The following IFT80 variants were observed in gnomAD, a reference collection of about 807,000 sequenced individuals.
IFT80 encodes the protein intraflagellar transport protein 80 homolog.
In IFT80, 79 loss-of-function variants were observed where a neutral mutation model predicts 107.9. The observed-to-expected ratio is 0.73, with a 90% confidence interval of 0.61 to 0.88. The LOEUF (loss-of-function observed/expected upper bound fraction) is 0.88. Among genes scored for constraint, IFT80 ranks in the 40% least tolerant of loss-of-function variants. IFT80 has a pLI of 0.00. For missense variants in IFT80, 797 were observed against 914.2 expected (o/e 0.87, Z 1.65); for synonymous variants, 299 against 300.9 (o/e 0.99, Z 0.07).
chr3:160,375,771 G>A, intron 5 of IFT80, 41 bp downstream of exon 5: 1 of 1,362,230 alleles, frequency 7.3e-7, no homozygotes, highest in South Asian at 1.2e-5. Context: ...TTTTTGTATT[G>A]TATAATTTGC....
chr3:160,290,416 A>C (rs1192387218), intron 12 of IFT80, among the ~76,000 whole-genome samples: 2 of 150,602 alleles, frequency 1.3e-5, no homozygotes, highest in Non-Finnish European at 2.9e-5. Flanking sequence ...AAAAACAGAA[A>C]AAAAAAAAGA....
intron 8 of IFT80, among the ~76,000 whole-genome samples, chr3:160,329,296 GCCATGAGATA>G (rs1229473271): frequency 1.3e-5 from 2 of 151,988 alleles, no homozygotes; most frequent in Non-Finnish European, 2.9e-5. Context: ...CCCCAAATAT[GCCATGAGATA>G]CTTGGTTCAC....
intron 8 of IFT80, among the ~76,000 whole-genome samples, chr3:160,340,421 A>G (rs1042782508): frequency 6.6e-6 from 1 of 152,238 alleles, no homozygotes; most frequent in Non-Finnish European, 1.5e-5. Context: ...CATAAACACA[A>G]TATGAGTTTC....
intron 18 of IFT80, 56 bp from the exon 19 acceptor site, chr3:160,268,592 A>T: frequency 6.5e-7 from 1 of 1,549,242 alleles, no homozygotes; most frequent in Non-Finnish European, 8.9e-7. Flanking sequence ...CTCCATGAGT[A>T]GTAGAGTTCT....
At chr3:160,261,801 CAAAAAA>C (rs557472950) in intron 19 of IFT80, among the ~76,000 whole-genome samples, 1 of 66,750 alleles carries the variant, frequency 1.5e-5, no homozygotes, top group African/African-American at 4.5e-5. Flanking sequence ...GACCCTGTCT[CAAAAAA>C]AAAAAAAAAA....
chr3:160,342,900 A>G (rs1338404251), intron 8 of IFT80: 1 of 152,638 alleles, frequency 6.6e-6, no homozygotes, highest in Non-Finnish European at 1.5e-5. Flanking sequence ...ATCCATGGAA[A>G]GATAATTTGG....
intron 11 of IFT80, among the ~76,000 whole-genome samples, chr3:160,303,187 G>GT (rs952782455): frequency 6.6e-6 from 1 of 152,136 alleles, no homozygotes; most frequent in Non-Finnish European, 1.5e-5. Flanking sequence ...GATATTTTAG[G>GT]TAACTGTCAA....
rs767138347 is a variant in IFT80, at chr3:160,375,807, C to T, written c.439+5G>A. On this transcript the variant is annotated splice_donor_5th_base_variant and intron_variant, in intron 5 of 19. Transcript: ENST00000326448. Reference sequence around the variant, plus strand: ...AAAAATGAAATTGTCAATTGTAAAACATACCTTGCTGAGCTAAAGTTGATC... The same window carrying T: ...AAAAATGAAATTGTCAATTGTAAAATATACCTTGCTGAGCTAAAGTTGATC... The T allele has an allele frequency of 1.2e-5, 20 of 1,605,788 alleles. No individual in the cohort carries two copies. The East Asian group carries it at 4.5e-4, about 36-fold the overall frequency.
At chr3:160,303,348 T>C (rs1440947196) in intron 11 of IFT80, among the ~76,000 whole-genome samples, 1 of 152,226 alleles carries the variant, frequency 6.6e-6, no homozygotes, top group Non-Finnish European at 1.5e-5. Flanking sequence ...CCTAATTTAC[T>C]CCAGTTAATT....
intron 19 of IFT80, among the ~76,000 whole-genome samples, chr3:160,261,358 T>G (rs1712810677): frequency 6.6e-6 from 1 of 151,630 alleles, no homozygotes; most frequent in Non-Finnish European, 1.5e-5. Context: ...GTACAAGGAT[T>G]CACCAGTGAA....
intron 18 of IFT80, among the ~76,000 whole-genome samples, chr3:160,273,575 G>A (rs1713994500): frequency 6.6e-6 from 1 of 152,152 alleles, no homozygotes; most frequent in Non-Finnish European, 1.5e-5. Context: ...TTGTACAGCT[G>A]AAAGAATGAT....
intron 12 of IFT80, among the ~76,000 whole-genome samples, chr3:160,290,044 CTG>C (rs1715421526): frequency 6.6e-6 from 1 of 152,106 alleles, no homozygotes; most frequent in East Asian, 1.9e-4. Flanking sequence ...TGTGAACAGG[CTG>C]TGTCTCCTTT....
rs752150146 is a variant in IFT80 at position 160,280,758 on chromosome 3, G to A, written c.1573C>T (p.Gln525Ter). 6.2e-7 allele frequency: 1 copy of A among 1,612,982 alleles called. No homozygotes were observed. The highest frequency in any genetic ancestry group is 1.1e-5 in the South Asian group (1 of 91,052). Residue 525 changes from glutamine (Q) to a stop codon, truncating the protein, a stop_gained, in exon 15 of 20, where the codon CAA (glutamine) becomes TAA (stop). Coordinates refer to ENST00000326448, the MANE Select transcript of IFT80 (RefSeq NM_020800.3). LOFTEE classifies it high-confidence loss of function. ...TACCACACTATAAATCGAGTATCTT[G>A]AAGTCCACAAAGGATATTGCATGTA... ...NDTCNILCGL[Q>*]DTRFIVWYYP...
At chr3:160,296,978 C>A (rs1716030075) in intron 12 of IFT80, among the ~76,000 whole-genome samples, 1 of 152,110 alleles carries the variant, frequency 6.6e-6, no homozygotes, top group Non-Finnish European at 1.5e-5. Context: ...TTCTTTGCTG[C>A]CTTTTTACTA....
At chr3:160,324,950 A>T (rs1233761676) in intron 8 of IFT80, among the ~76,000 whole-genome samples, 1 of 150,490 alleles carries the variant, frequency 6.6e-6, no homozygotes. Context: ...TACAAAATCA[A>T]TGTACAAAAA....
chr3:160,389,190 G>A (rs905809403), intron 1 of IFT80, among the ~76,000 whole-genome samples: 1 of 152,094 alleles, frequency 6.6e-6, no homozygotes, highest in Non-Finnish European at 1.5e-5. Context: ...CTTAAGAACA[G>A]GCCAAATTGA....
intron 12 of IFT80, among the ~76,000 whole-genome samples, chr3:160,298,393 G>A (rs976927232): frequency 3.3e-5 from 5 of 151,920 alleles, no homozygotes; most frequent in Non-Finnish European, 7.4e-5. Context: ...AGTCTTTTAA[G>A]TTTATATTTA....
intron 8 of IFT80, among the ~76,000 whole-genome samples, chr3:160,322,217 G>T (rs1482841595): frequency 7.2e-6 from 1 of 138,136 alleles, no homozygotes; most frequent in Admixed American, 7.9e-5. Flanking sequence ...CCCAGAGTGT[G>T]ATGTTCCCCT....
intron 8 of IFT80, among the ~76,000 whole-genome samples, chr3:160,334,742 A>C (rs1262366906): frequency 6.6e-6 from 1 of 151,334 alleles, no homozygotes; most frequent in Admixed American, 6.6e-5. Flanking sequence ...AGCCTGTGAG[A>C]TCTCTTTCAA....
Sources: allele counts gnomAD v4.1 joint callset (sites outside exome capture counted in the v4.1 genomes callset), GRCh38; gene constraint gnomAD v4.1.1; transcripts MANE v1.5; gene names NCBI Gene and HGNC (gene_info 2026-07-23, HGNC 2026-07-21).